Variants in AKAP13 observed in about 807,000 individuals in gnomAD.
AKAP13 encodes the protein A-kinase anchor protein 13.
Under a neutral mutation model 264.5 loss-of-function variants are expected in AKAP13, and 80 were observed. The ratio of observed to expected loss-of-function variants is 0.30; its 90% CI spans 0.25 to 0.36. The LOEUF is 0.36. Among genes scored for constraint, AKAP13 ranks in the 10% least tolerant of loss-of-function variants. The pLI is 1.00. For missense variants in AKAP13, 3,712 were observed against 3,435.2 expected, an observed-to-expected ratio of 1.08 and a Z score of -2.01; for synonymous variants, 1,380 against 1,250.2, an observed-to-expected ratio of 1.10 and a Z score of -2.19.
intron 29 of AKAP13, among the ~76,000 whole-genome samples, chr15:85,730,254 G>A (rs370220969): frequency 5.3e-5 from 8 of 152,194 alleles, no homozygotes; most frequent in African/African-American, 1.9e-4. Flanking sequence ...CAGGGGACAC[G>A]GGAGTGGAAG....
chr15:85,461,570 T>C (rs11630457), intron 1 of AKAP13, among the ~76,000 whole-genome samples: 82,219 of 151,936 alleles, frequency 0.54, 22,969 homozygotes, highest in Admixed American at 0.64. Context: ...CCCCTATTTA[T>C]TTTTTGGGTT....
At chr15:85,441,285 C>T (rs934267576) in intron 1 of AKAP13, among the ~76,000 whole-genome samples, 1 of 151,626 alleles carries the variant, frequency 6.6e-6, no homozygotes, top group Non-Finnish European at 1.5e-5. Flanking sequence ...TCATATTTGC[C>T]ATTTGTTTAT....
At chr15:85,434,823 A>C (rs1371292171) in intron 1 of AKAP13, among the ~76,000 whole-genome samples, 2 of 149,412 alleles carry the variant, frequency 1.3e-5, no homozygotes, top group African/African-American at 4.9e-5. Context: ...CCATCTGTAC[A>C]TCACCATCAT....
At chr15:85,596,504 G>T (rs2079831431) in intron 8 of AKAP13, among the ~76,000 whole-genome samples, 1 of 152,056 alleles carries the variant, frequency 6.6e-6, no homozygotes, top group Non-Finnish European at 1.5e-5. Context: ...GATCATCTGA[G>T]CCTGGGGAGG....
chr15:85,381,006 T>G (rs1451955194), intron 1 of AKAP13, among the ~76,000 whole-genome samples: 2 of 151,450 alleles, frequency 1.3e-5, no homozygotes. Flanking sequence ...TCCCTGCGCA[T>G]CGCCCTTCTC....
At chr15:85,394,683 C>T (rs554595491) in intron 1 of AKAP13, among the ~76,000 whole-genome samples, 1 of 152,292 alleles carries the variant, frequency 6.6e-6, no homozygotes, top group East Asian at 1.9e-4. Flanking sequence ...TGGAAGGAGA[C>T]AGTAGTCCCA....
chr15:85,386,653 C>T (rs1303355530), intron 1 of AKAP13, among the ~76,000 whole-genome samples: 1 of 152,110 alleles, frequency 6.6e-6, no homozygotes, highest in African/African-American at 2.4e-5. Context: ...ATTTAATTTT[C>T]CTAAATGGTG....
chr15:85,427,666 A>G (rs1412942574), intron 1 of AKAP13, among the ~76,000 whole-genome samples: 2 of 152,212 alleles, frequency 1.3e-5, no homozygotes, highest in East Asian at 3.8e-4. Context: ...CAAAGAGGCA[A>G]CTCTGATGAG....
At chr15:85,695,721 A>G (rs1337445445) in intron 17 of AKAP13, among the ~76,000 whole-genome samples, 1 of 152,234 alleles carries the variant, frequency 6.6e-6, no homozygotes, top group Non-Finnish European at 1.5e-5. Flanking sequence ...GTGGGCAGAG[A>G]TCACACACAT....
rs374451570 is a variant in AKAP13 at position 85,451,216 on chromosome 15, A to T, written c.-11-34494A>T. ...CATTGCTTGGTAGATTGTGTTTCCC[A>T]TTTGCTTGGTAGATTTTTCTCCATC... is the stretch of plus-strand genomic sequence containing the variant. On this transcript the variant is annotated intron_variant, in intron 1 of 36. Coordinates refer to ENST00000394518, the MANE Select transcript of AKAP13 (RefSeq NM_007200.5). Among the ~76,000 whole-genome samples, 11 of 151,894 alleles carry T rather than the reference A, an allele frequency of 7.2e-5. No homozygotes were observed. In the East Asian group the frequency reaches 1.9e-3, roughly 27 times the overall value.
At chr15:85,400,271 G>A (rs2071359609) in intron 1 of AKAP13, among the ~76,000 whole-genome samples, 1 of 152,106 alleles carries the variant, frequency 6.6e-6, no homozygotes, top group African/African-American at 2.4e-5. Flanking sequence ...AATTAGCTGG[G>A]TGGTGATGCA....
Position 85,581,529 on chromosome 15 carries a change from C to G in AKAP13, c.3461C>G (p.Pro1154Arg). Residue 1154 changes from proline to arginine, a missense_variant, in exon 7 of 37, where the codon CCT (proline) becomes CGT (arginine). Coordinates refer to ENST00000394518, the MANE Select transcript of AKAP13 (RefSeq NM_007200.5). ...GGAGTTGGAACCCCAGAGATGATAC[C>G]TCTTGATTGGGAGAAAGGGAAGCTG... ...PQGVGTPEMI[P>R]LDWEKGKLEG... 2 of 1,614,170 alleles carry G rather than the reference C, an allele frequency of 1.2e-6. No homozygotes were observed. The highest frequency in any genetic ancestry group is 1.7e-6 in the Non-Finnish European group (2 of 1,180,028).
At chr15:85,549,359 G>A (rs531305661) in intron 5 of AKAP13, among the ~76,000 whole-genome samples, 1 of 152,258 alleles carries the variant, frequency 6.6e-6, no homozygotes, top group Admixed American at 6.5e-5. Flanking sequence ...ACTCTGGAGT[G>A]GTGGCATACA....
chr15:85,418,854 A>G (rs1475246965), intron 1 of AKAP13, among the ~76,000 whole-genome samples: 1 of 152,262 alleles, frequency 6.6e-6, no homozygotes, highest in Non-Finnish European at 1.5e-5. Flanking sequence ...ACAAGTGGCT[A>G]AGACCACTTT....
chr15:85,474,715 G>A (rs1379575490), intron 1 of AKAP13, among the ~76,000 whole-genome samples: 1 of 152,102 alleles, frequency 6.6e-6, no homozygotes, highest in African/African-American at 2.4e-5. Flanking sequence ...TTCCAATTTT[G>A]ATAGGTGGTT....
chr15:85,605,808 G>A (rs1351365825), intron 8 of AKAP13, among the ~76,000 whole-genome samples: 5 of 152,032 alleles, frequency 3.3e-5, no homozygotes, highest in South Asian at 4.1e-4. Flanking sequence ...ATCAAGTTGT[G>A]TACTTTAAAT....
chr15:85,532,490 A>G (rs1345874240), intron 3 of AKAP13, among the ~76,000 whole-genome samples: 1 of 152,232 alleles, frequency 6.6e-6, no homozygotes, highest in Non-Finnish European at 1.5e-5. Context: ...GGTGCCCATG[A>G]TTAATCAGGC....
intron 8 of AKAP13, among the ~76,000 whole-genome samples, chr15:85,622,396 G>A (rs2081234610): frequency 6.6e-6 from 1 of 152,144 alleles, no homozygotes; most frequent in African/African-American, 2.4e-5. Flanking sequence ...CCCTGAGGAA[G>A]GAAGGAATGG....
intron 1 of AKAP13, among the ~76,000 whole-genome samples, chr15:85,439,155 C>T (rs542233008): frequency 2.6e-5 from 4 of 151,934 alleles, no homozygotes; most frequent in East Asian, 1.9e-4. Context: ...AAAAAGTGGG[C>T]GAAGGACATG....
Sources: gnomAD v4.1 joint callset for allele counts (sites outside exome capture counted in the v4.1 genomes callset) on GRCh38, gnomAD v4.1.1 for gene constraint, MANE v1.5 for transcripts, NCBI Gene and HGNC (gene_info 2026-07-23, HGNC 2026-07-21) for gene names.